NCALD: variants seen among roughly 807,000 people sequenced by gnomAD.
NCALD encodes neurocalcin delta.
Under a neutral mutation model 18.6 loss-of-function variants are expected in NCALD, and 10 were observed. The ratio of observed to expected loss-of-function variants is 0.54; its 90% CI spans 0.33 to 0.91. The LOEUF (loss-of-function observed/expected upper bound fraction) is 0.91. NCALD is among the 40% of genes least tolerant of loss of function. NCALD has a pLI of 0.03. For synonymous variants in NCALD, 88 were observed against 87.4 expected (o/e 1.01, Z -0.04); for missense variants, 184 against 247.6 (o/e 0.74, Z 1.72).
At chr8:101,906,325 A>T (rs528791892) in intron 3 of NCALD, among the ~76,000 whole-genome samples, 1 of 152,360 alleles carries the variant, frequency 6.6e-6, no homozygotes, top group South Asian at 2.1e-4. Flanking sequence ...CCACATTCTG[A>T]TCCAAGAACA....
At chr8:101,982,308 G>A (rs557539290) in intron 2 of NCALD, among the ~76,000 whole-genome samples, 5 of 152,180 alleles carry the variant, frequency 3.3e-5, no homozygotes, top group Non-Finnish European at 7.3e-5. Flanking sequence ...TTTTAAGCAG[G>A]TGCCATGAGC....
At chr8:101,825,812 C>A (rs1176898657) in intron 4 of NCALD, among the ~76,000 whole-genome samples, 1 of 152,296 alleles carries the variant, frequency 6.6e-6, no homozygotes, top group Admixed American at 6.5e-5. Context: ...CTCAACTCTG[C>A]CACTGTAGCA....
intron 4 of NCALD, among the ~76,000 whole-genome samples, chr8:101,878,272 T>G (rs1367218047): frequency 6.6e-6 from 1 of 152,232 alleles, no homozygotes; most frequent in East Asian, 1.9e-4. Flanking sequence ...GTCATGTAAT[T>G]TATTAAGAAT....
chr8:102,019,224 C>T (rs1053999546), intron 2 of NCALD, among the ~76,000 whole-genome samples: 1 of 151,910 alleles, frequency 6.6e-6, no homozygotes, highest in Admixed American at 6.6e-5. Flanking sequence ...TTACTACATA[C>T]CCACCAGAAG....
chr8:101,694,554 A>AT, intron 2 of NCALD, among the ~76,000 whole-genome samples: 1 of 152,262 alleles, frequency 6.6e-6, no homozygotes, highest in East Asian at 1.9e-4. Context: ...ACTGAACTCC[A>AT]TAGCTGACTC....
At chr8:102,060,147 A>T (rs1186969102) in intron 1 of NCALD, among the ~76,000 whole-genome samples, 17 of 151,828 alleles carry the variant, frequency 1.1e-4, no homozygotes, top group Admixed American at 1.1e-3. Context: ...TGCCTGGCTA[A>T]TTTTTTTGTA....
chr8:101,717,603 T>A (rs1816147493), intron 2 of NCALD, among the ~76,000 whole-genome samples: 1 of 152,150 alleles, frequency 6.6e-6, no homozygotes. Flanking sequence ...CTAAGAGATA[T>A]TTAGAAAGGC....
intron 2 of NCALD, among the ~76,000 whole-genome samples, chr8:101,713,282 T>C (rs1815898208): frequency 6.6e-6 from 1 of 152,208 alleles, no homozygotes; most frequent in Non-Finnish European, 1.5e-5. Flanking sequence ...CAGCAGTGTT[T>C]AGAGGGAAAT....
rs1384980464 is a variant in NCALD at position 101,773,957 on chromosome 8, C to T, written c.-20+16905G>A. ...AGGACTAATGTTAACATACCTTAAA[C>T]GTAGGTAATGAAAAATGACTAATTC... On this transcript the variant is annotated intron_variant, in intron 1 of 3. Coordinates refer to ENST00000220931, the MANE Select transcript of NCALD (RefSeq NM_032041.3). 4.6e-5 allele frequency among the ~76,000 whole-genome samples: 7 copies of T among 152,132 alleles called. No homozygotes were observed. The South Asian group carries it at 1.2e-3, about 27-fold the overall frequency.
chr8:102,039,561 A>C (rs1166378192), intron 1 of NCALD, among the ~76,000 whole-genome samples: 1 of 152,172 alleles, frequency 6.6e-6, no homozygotes, highest in African/African-American at 2.4e-5. Context: ...AATAGGAACT[A>C]AGATTCTGGA....
intron 1 of NCALD, among the ~76,000 whole-genome samples, chr8:102,086,132 A>G (rs901400835): frequency 6.6e-6 from 1 of 152,220 alleles, no homozygotes; most frequent in Non-Finnish European, 1.5e-5. Flanking sequence ...TGAGAAATTA[A>G]AAAAGCTAAC....
chr8:102,120,597 A>G (rs938804947), intron 1 of NCALD, among the ~76,000 whole-genome samples: 2 of 152,176 alleles, frequency 1.3e-5, no homozygotes, highest in African/African-American at 2.4e-5. Context: ...TCCCGCTAAC[A>G]ATGTTTGAGG....
intron 2 of NCALD, among the ~76,000 whole-genome samples, chr8:101,707,819 G>T (rs1157196464): frequency 2.0e-5 from 3 of 152,010 alleles, no homozygotes; most frequent in Non-Finnish European, 4.4e-5. Flanking sequence ...GGTGAGCTGT[G>T]ATTGCACTAC....
At chr8:102,033,922 C>T (rs936862962) in intron 1 of NCALD, among the ~76,000 whole-genome samples, 8 of 151,800 alleles carry the variant, frequency 5.3e-5, no homozygotes, top group South Asian at 4.2e-4. Flanking sequence ...GGAGTTGATA[C>T]GGGAAGAAAG....
At chr8:101,790,191 T>C (rs1277462425) in intron 1 of NCALD, among the ~76,000 whole-genome samples, 1 of 152,246 alleles carries the variant, frequency 6.6e-6, no homozygotes, top group Non-Finnish European at 1.5e-5. Flanking sequence ...ACTGGAAATA[T>C]GCACTTTGCT....
At chr8:101,952,619 C>T (rs1286799316) in intron 2 of NCALD, among the ~76,000 whole-genome samples, 6 of 152,208 alleles carry the variant, frequency 3.9e-5, no homozygotes, top group African/African-American at 7.2e-5. Context: ...CTTAATGGGG[C>T]TTTCCATCAG....
chr8:101,879,587 C>A (rs375942572), intron 4 of NCALD, among the ~76,000 whole-genome samples: 3 of 152,166 alleles, frequency 2.0e-5, no homozygotes, highest in East Asian at 1.9e-4. Flanking sequence ...CGGGTTACAA[C>A]GGCTAGCTGG....
intron 1 of NCALD, among the ~76,000 whole-genome samples, chr8:102,117,686 C>G (rs1291740527): frequency 2.0e-5 from 3 of 151,894 alleles, no homozygotes; most frequent in Non-Finnish European, 2.9e-5. Flanking sequence ...TTGTCACTCC[C>G]ATCAAGTATA....
intron 2 of NCALD, among the ~76,000 whole-genome samples, chr8:101,938,073 A>T (rs878859207): frequency 1.3e-5 from 2 of 152,148 alleles, no homozygotes; most frequent in African/African-American, 4.8e-5. Flanking sequence ...CTTGTTCTTT[A>T]TGAGCCCCTA....
Sources: allele counts gnomAD v4.1 joint callset (sites outside exome capture counted in the v4.1 genomes callset), GRCh38; gene constraint gnomAD v4.1.1; transcripts MANE v1.5; gene names NCBI Gene and HGNC (gene_info 2026-07-23, HGNC 2026-07-21).